The following CACNA1A variants were observed in gnomAD, a reference collection of about 807,000 sequenced individuals.
CACNA1A encodes the protein calcium voltage-gated channel subunit alpha1 A.
In CACNA1A, 57 loss-of-function variants were observed where a neutral mutation model predicts 262.4. The ratio of observed to expected loss-of-function variants is 0.22; its 90% confidence interval spans 0.18 to 0.27. The LOEUF is 0.27. Among genes scored for constraint, CACNA1A ranks in the 10% least tolerant of loss-of-function variants. The pLI, the probability that CACNA1A is intolerant of heterozygous loss-of-function variation, is 1.00. For synonymous variants in CACNA1A, 1,431 were observed against 1,419.3 expected (o/e 1.01, Z -0.18); for missense variants, 2,526 against 3,562.8 (o/e 0.71, Z 7.41).
intron 27 of CACNA1A, chr19:13,258,193 G>A (rs2056624648): frequency 6.6e-6 from 1 of 152,240 alleles, no homozygotes; most frequent in African/African-American, 2.4e-5. Flanking sequence ...GCAATTTAAA[G>A]GGACGTGCTG....
At chr19:13,213,954 G>A (rs1254674430) in intron 40 of CACNA1A, 2 of 378,328 alleles carry the variant, frequency 5.3e-6, no homozygotes, top group Non-Finnish European at 9.8e-6. Context: ...CTAAATAGCT[G>A]GGACTACAGG....
intron 1 of CACNA1A, among the ~76,000 whole-genome samples, chr19:13,484,153 A>T (rs1979697722): frequency 6.6e-6 from 1 of 152,186 alleles, no homozygotes; most frequent in African/African-American, 2.4e-5. Context: ...TTCTATAAAA[A>T]ATGGAGATAA....
chr19:13,333,813 T>C (rs546067362), intron 8 of CACNA1A: 1 of 152,620 alleles, frequency 6.6e-6, no homozygotes, highest in Non-Finnish European at 1.5e-5. Flanking sequence ...ATGACATGTA[T>C]TTGTTTGCTT....
At chr19:13,274,880 T>A (rs2057108805) in intron 24 of CACNA1A, 1 of 152,108 alleles carries the variant, frequency 6.6e-6, no homozygotes, top group African/African-American at 2.4e-5. Context: ...AAGGCCACCT[T>A]GGAACTCAGG....
At chr19:13,255,489 A>G (rs542085160) in intron 28 of CACNA1A, among the ~76,000 whole-genome samples, 1 of 152,182 alleles carries the variant, frequency 6.6e-6, no homozygotes, top group South Asian at 2.1e-4. Flanking sequence ...TTGCACTGAC[A>G]TTTCCCCATT....
At chr19:13,247,469 G>A (rs942973904) in intron 30 of CACNA1A, among the ~76,000 whole-genome samples, 20 of 152,218 alleles carry the variant, frequency 1.3e-4, no homozygotes, top group African/African-American at 3.6e-4. Flanking sequence ...CGATGTGGGC[G>A]GATCACGAGG....
chr19:13,297,996 T>C (rs1320760385), intron 19 of CACNA1A, among the ~76,000 whole-genome samples: 1 of 151,950 alleles, frequency 6.6e-6, no homozygotes, highest in African/African-American at 2.4e-5. Context: ...CTAATTTTTG[T>C]ATTTTTAGTA....
Position 13,464,420 on chromosome 19 carries a change from A to AT in CACNA1A, c.294-9209dup, listed in dbSNP as rs199577960. Among the ~76,000 whole-genome samples, 336 of 151,874 alleles carry AT rather than the reference A, an allele frequency of 2.2e-3. 7 individuals carry two copies. The East Asian group carries it at 0.057, about 26-fold the overall frequency. ...TCTCTTAAAATAAATAAATACATAC[A>AT]TTTTTTTAAAAAAGAAAACTTAATA... On this transcript the variant is annotated intron_variant, in intron 1 of 46. Transcript: ENST00000360228.
intron 4 of CACNA1A, among the ~76,000 whole-genome samples, chr19:13,367,205 G>T (rs1210614423): frequency 1.4e-5 from 2 of 144,388 alleles, no homozygotes; most frequent in African/African-American, 5.2e-5. Context: ...TGAGGAAGGA[G>T]AATTGCTTGA....
intron 34 of CACNA1A, 163 bp downstream of exon 34, chr19:13,234,736 TACCGGAAGAGAAGGGCACGCCC>T: frequency 4.9e-6 from 2 of 408,662 alleles, no homozygotes; most frequent in Non-Finnish European, 8.1e-6. Context: ...GCACGTCCCC[TACCGGAAGAGAAGGGCACGCCC>T]CCTACCGGAA....
intron 40 of CACNA1A, among the ~76,000 whole-genome samples, chr19:13,213,032 C>T (rs567485121): frequency 6.6e-6 from 1 of 152,212 alleles, no homozygotes; most frequent in East Asian, 1.9e-4. Context: ...CACCAGAGGG[C>T]GCCCATGAGC....
rs200267577 is a variant in CACNA1A at position 13,409,395 on chromosome 19, T to C, written c.540-37616A>G. Among the ~76,000 whole-genome samples the C allele has an allele frequency of 1.6e-4, 25 of 151,692 alleles. No homozygotes were observed. In the East Asian group the frequency reaches 4.5e-3, roughly 27 times the overall value. ...ACAATCCTGTGTGTGTGTGTGTGTG[T>C]GTTGTGTGTCTGTGTGATGTCTTTT... On this transcript the variant is annotated intron_variant, in intron 3 of 46. Coordinates refer to ENST00000360228, the MANE Select transcript of CACNA1A (RefSeq NM_001127222.2).
chr19:13,458,121 C>T (rs1186644087), intron 1 of CACNA1A, among the ~76,000 whole-genome samples: 4 of 151,896 alleles, frequency 2.6e-5, no homozygotes, highest in Non-Finnish European at 1.5e-5. Context: ...GTACTAAACG[C>T]CTCTCCCCTC....
At chr19:13,469,541 C>G (rs1029402355) in intron 1 of CACNA1A, among the ~76,000 whole-genome samples, 1 of 144,162 alleles carries the variant, frequency 6.9e-6, no homozygotes, top group Non-Finnish European at 1.5e-5. Context: ...CTCCGCCTCC[C>G]GGGTTCACGC....
At chr19:13,334,579 G>C in intron 7 of CACNA1A, 86 bp from the exon 8 acceptor site, 1 of 670,572 alleles carries the variant, frequency 1.5e-6, no homozygotes, top group East Asian at 2.7e-5. Context: ...GTGTGTGTGT[G>C]TGTGTGTGTG....
chr19:13,465,971 C>T (rs1381041578), intron 1 of CACNA1A, among the ~76,000 whole-genome samples: 1 of 152,028 alleles, frequency 6.6e-6, no homozygotes, highest in African/African-American at 2.4e-5. Flanking sequence ...AGACAGAATG[C>T]AGATGGGTGG....
chr19:13,354,066 T>C (rs1014061901), intron 6 of CACNA1A, among the ~76,000 whole-genome samples: 1 of 152,190 alleles, frequency 6.6e-6, no homozygotes, highest in South Asian at 2.1e-4. Flanking sequence ...GTGTCTCCAA[T>C]CACCTAATCA....
At chr19:13,435,754 G>C (rs2060601059) in intron 3 of CACNA1A, among the ~76,000 whole-genome samples, 1 of 152,184 alleles carries the variant, frequency 6.6e-6, no homozygotes, top group African/African-American at 2.4e-5. Context: ...TCTGACTGCA[G>C]GGTCCAGCTC....
intron 4 of CACNA1A, chr19:13,365,694 G>A (rs1014260152): frequency 4.4e-6 from 2 of 450,774 alleles, no homozygotes; most frequent in Non-Finnish European, 8.0e-6. Flanking sequence ...TTGAGACAGG[G>A]TTTTGCACTG....
Sources: gnomAD v4.1 joint callset for allele counts (sites outside exome capture counted in the v4.1 genomes callset) on GRCh38, gnomAD v4.1.1 for gene constraint, MANE v1.5 for transcripts, NCBI Gene and HGNC (gene_info 2026-07-23, HGNC 2026-07-21) for gene names.